The following KDM2A variants were observed in gnomAD, a reference collection of about 807,000 sequenced individuals.
KDM2A encodes the protein lysine-specific demethylase 2A.
In KDM2A, 3 loss-of-function variants were observed where a neutral mutation model predicts 137.3. That is an observed-to-expected ratio of 0.02 (90% CI 0.01 to 0.06). KDM2A has a LOEUF of 0.06. Among genes scored for constraint, KDM2A ranks in the 10% least tolerant of loss-of-function variants. KDM2A has a pLI of 1.00. For synonymous variants in KDM2A, 512 were observed against 541.5 expected (o/e 0.95, Z 0.76); for missense variants, 738 against 1,510.6 (o/e 0.49, Z 8.48).
At chr11:67,160,933 C>T (rs1297473972) in intron 2 of KDM2A, among the ~76,000 whole-genome samples, 3 of 152,168 alleles carry the variant, frequency 2.0e-5, no homozygotes, top group Non-Finnish European at 4.4e-5. Flanking sequence ...CAGCCAGAGC[C>T]TGTCTCTAAA....
At position 67,128,384 on chromosome 11, in the gene KDM2A, C is replaced by CT. The variant is rs59357038; in HGVS notation, c.42+7036dup. On this transcript the variant is annotated intron_variant, in intron 2 of 20. Transcript: ENST00000529006. ...ATAAAATAGAATATTTATTTTAAGC[C>CT]TTTTTTTTTTCTAGTATGAAAGTAT... 1.5e-3 allele frequency among the ~76,000 whole-genome samples: 223 copies of CT among 148,442 alleles called. 1 individual carries two copies. Among genetic ancestry groups the CT allele is most frequent in the African/African-American group, 5.1e-3 (208 of 40,454 alleles).
At chr11:67,135,394 A>G (rs917844732) in intron 2 of KDM2A, among the ~76,000 whole-genome samples, 2 of 152,130 alleles carry the variant, frequency 1.3e-5, no homozygotes, top group African/African-American at 4.8e-5. Context: ...TCTTTGAAGG[A>G]TAGGGAAATG....
chr11:67,143,863 T>C (rs1856180418), intron 2 of KDM2A, among the ~76,000 whole-genome samples: 1 of 152,080 alleles, frequency 6.6e-6, no homozygotes, highest in African/African-American at 2.4e-5. Flanking sequence ...AACTCTTTAC[T>C]TCAAGTGATC....
chr11:67,229,812 G>T (rs1858655498), intron 11 of KDM2A, among the ~76,000 whole-genome samples: 2 of 151,860 alleles, frequency 1.3e-5, no homozygotes, highest in South Asian at 2.1e-4. Flanking sequence ...GGAGGTTGCA[G>T]TGAGCCGAGA....
rs567992896 is a variant in KDM2A at position 67,200,594 on chromosome 11, C to G, written c.308-6916C>G. Among the ~76,000 whole-genome samples, 127 of 152,184 alleles carry G rather than the reference C, an allele frequency of 8.3e-4. No homozygotes were observed. The South Asian group carries it at 0.024, about 29-fold the overall frequency. On this transcript the variant is annotated intron_variant, in intron 5 of 20. Transcript: ENST00000529006. ...TGGTACAATCATGGCTCACTGCAGG[C>G]TCAGTGTCCCTGGGCTCAGGTGATC...
chr11:67,248,509 T>C (rs1433043934), intron 16 of KDM2A, 139 bp downstream of exon 16: 5 of 601,240 alleles, frequency 8.3e-6, no homozygotes, highest in Non-Finnish European at 1.5e-5. Context: ...TTGGTATGTT[T>C]TTCCTTTGGT....
chr11:67,207,735 T>G (rs756157230), intron 6 of KDM2A, 47 bp downstream of exon 6: 35 of 1,439,826 alleles, frequency 2.4e-5, no homozygotes, highest in Admixed American at 4.2e-5. Context: ...CCAAAAGGGT[T>G]GTTTTCGGCT....
chr11:67,251,311 C>T (rs913734982), intron 17 of KDM2A, among the ~76,000 whole-genome samples: 2 of 152,184 alleles, frequency 1.3e-5, no homozygotes, highest in Non-Finnish European at 2.9e-5. Context: ...TTTTAATGCT[C>T]ATCCCCCCAA....
chr11:67,217,507 CA>C, intron 8 of KDM2A: 1 of 546,380 alleles, frequency 1.8e-6, no homozygotes, highest in Non-Finnish European at 3.3e-6. Context: ...GGTGTATAGT[CA>C]AACCCAAGGG....
At chr11:67,163,596 G>C (rs930315958) in intron 2 of KDM2A, among the ~76,000 whole-genome samples, 3 of 152,162 alleles carry the variant, frequency 2.0e-5, no homozygotes, top group African/African-American at 7.2e-5. Flanking sequence ...GCTCACGCCT[G>C]TAATTCCAGC....
chr11:67,167,475 A>G (rs1342003246), intron 2 of KDM2A, among the ~76,000 whole-genome samples: 1 of 152,092 alleles, frequency 6.6e-6, no homozygotes, highest in Non-Finnish European at 1.5e-5. Context: ...CTCTTTTAGG[A>G]TCATTCTGTA....
At chr11:67,246,148 T>C (rs868658297) in intron 15 of KDM2A, 32 bp downstream of exon 15, 2 of 1,612,070 alleles carry the variant, frequency 1.2e-6, no homozygotes, top group Middle Eastern at 1.7e-4. Flanking sequence ...TCCTGAAGTC[T>C]CAGCTAATGG....
At chr11:67,169,567 G>A in intron 2 of KDM2A, among the ~76,000 whole-genome samples, 1 of 150,036 alleles carries the variant, frequency 6.7e-6, no homozygotes. Flanking sequence ...GTAGAGAAGG[G>A]TTTTCACCAT....
At chr11:67,205,835 T>C (rs1184444943) in intron 5 of KDM2A, among the ~76,000 whole-genome samples, 1 of 152,056 alleles carries the variant, frequency 6.6e-6, no homozygotes, top group African/African-American at 2.4e-5. Flanking sequence ...GACCACCATT[T>C]TCTGAATCTT....
chr11:67,243,137 G>GT (rs1368035475), intron 13 of KDM2A, 45 bp downstream of exon 13: 1 of 1,402,610 alleles, frequency 7.1e-7, no homozygotes, highest in African/African-American at 1.4e-5. Context: ...TAAGCCTTTT[G>GT]TTAGTTGATC....
At chr11:67,249,174 C>G (rs565832184) in intron 16 of KDM2A, among the ~76,000 whole-genome samples, 1 of 152,186 alleles carries the variant, frequency 6.6e-6, no homozygotes, top group South Asian at 2.1e-4. Context: ...TTGAAGTTGA[C>G]TAGGGCCAAA....
At position 67,250,259 on chromosome 11, in the gene KDM2A, T is replaced by G. The variant is rs370484414; in HGVS notation, c.2229T>G (p.Ala743=). ...TGGTGACTCGGTCATCCCCTGGGGC[T>G]GGCCCCAGCGACCACCACAGTGCCA... is the stretch of plus-strand genomic sequence containing the variant. The part of the protein sequence containing the change: ...RGMVTRSSPG[A]GPSDHHSASR... The change falls in exon 17 of 21, where the codon GCT becomes GCG. Residue 743 remains alanine, a synonymous_variant. Coordinates refer to ENST00000529006, the MANE Select transcript of KDM2A (RefSeq NM_012308.3). The surrounding 1 kb of genome is among the most constrained non-coding windows in gnomAD (Gnocchi z 7.1). 3.1e-4 allele frequency: 507 copies of G among 1,613,674 alleles called. 1 individual carries two copies. The highest frequency in any genetic ancestry group is 3.6e-4 in the Non-Finnish European group (420 of 1,179,846).
In KDM2A at chr11:67,250,577, T is replaced by C. The variant is rs768207500; in HGVS notation, c.2547T>C (p.Asp849=). 6.2e-7 allele frequency: 1 copy of C among 1,612,218 alleles called. No homozygotes were observed. The change falls in exon 17 of 21, where the codon GAT becomes GAC. Residue 849 remains aspartate (D), a synonymous_variant. Transcript: ENST00000529006. The surrounding 1 kb of genome is among the most constrained non-coding windows in gnomAD (Gnocchi z 7.1). The stretch of plus-strand genomic sequence containing the variant: ...CAGCCCGAACCCCCCAGCGTGGGGA[T>C]GAGGAGGGGCTGGGGGGAGAGGAGG... ...HCPARTPQRG[D]EEGLGGEEEE... is the part of the protein sequence containing the mutation.
At chr11:67,173,784 C>T (rs1856924046) in intron 2 of KDM2A, among the ~76,000 whole-genome samples, 1 of 152,182 alleles carries the variant, frequency 6.6e-6, no homozygotes, top group South Asian at 2.1e-4. Flanking sequence ...CCCATCATAA[C>T]TCATGGCAGC....
Sources: allele counts gnomAD v4.1 joint callset (sites outside exome capture counted in the v4.1 genomes callset), GRCh38; gene constraint gnomAD v4.1.1; non-coding constraint Gnocchi (gnomAD v3.1); transcripts MANE v1.5; gene names NCBI Gene and HGNC (gene_info 2026-07-23, HGNC 2026-07-21).